CDIN1: variants seen among roughly 807,000 people sequenced by gnomAD.
The protein encoded by CDIN1 is CDAN1 interacting nuclease 1, also known as CDAN1-interacting nuclease 1.
CDIN1 carries 33 observed loss-of-function variants against 45.3 expected under a neutral mutation model. That is an observed-to-expected ratio of 0.73 (90% CI 0.55 to 0.97). The LOEUF is 0.97. Ranked by LOEUF, CDIN1 falls within the 50% of genes least tolerant of loss-of-function variation. The pLI is 0.00. For missense variants in CDIN1, 303 were observed against 339.4 expected (o/e 0.89, Z 0.84); for synonymous variants, 118 against 124.4 (o/e 0.95, Z 0.34).
At chr15:36,602,259 CT>C (rs1209447046) in intron 1 of CDIN1, among the ~76,000 whole-genome samples, 1 of 152,242 alleles carries the variant, frequency 6.6e-6, no homozygotes, top group Non-Finnish European at 1.5e-5. Context: ...AATAACCAAA[CT>C]TTTATTTTCC....
At chr15:36,617,995 C>T (rs2038978238) in intron 1 of CDIN1, 1 of 786,032 alleles carries the variant, frequency 1.3e-6, no homozygotes, top group African/African-American at 1.7e-5. Context: ...AGTATGCCTC[C>T]CCAGTCTTTA....
chr15:36,739,189 T>C (rs2044142560), intron 10 of CDIN1, among the ~76,000 whole-genome samples: 1 of 152,134 alleles, frequency 6.6e-6, no homozygotes, highest in Non-Finnish European at 1.5e-5. Context: ...AGCCAGGGAT[T>C]TGAGACTAGC....
At chr15:36,760,658 A>G (rs936907933) in intron 10 of CDIN1, among the ~76,000 whole-genome samples, 3 of 152,222 alleles carry the variant, frequency 2.0e-5, no homozygotes, top group Admixed American at 2.0e-4. Flanking sequence ...TGAGGCCTCC[A>G]TCAGCATCCA....
At chr15:36,596,598 A>G (rs1420721229) in intron 1 of CDIN1, among the ~76,000 whole-genome samples, 1 of 152,180 alleles carries the variant, frequency 6.6e-6, no homozygotes, top group Non-Finnish European at 1.5e-5. Context: ...GCTCTTATGT[A>G]TTTCTTATGC....
chr15:36,595,867 G>A (rs913261101), intron 1 of CDIN1, among the ~76,000 whole-genome samples: 5 of 152,202 alleles, frequency 3.3e-5, no homozygotes, highest in African/African-American at 1.2e-4. Context: ...AGACCCAGGC[G>A]CCTGCTGAGA....
intron 1 of CDIN1, among the ~76,000 whole-genome samples, chr15:36,603,090 G>A (rs961780443): frequency 1.3e-5 from 2 of 152,150 alleles, no homozygotes; most frequent in Non-Finnish European, 2.9e-5. Flanking sequence ...AAGATAATGT[G>A]AGTAAATTAG....
At chr15:36,618,524 C>G in intron 1 of CDIN1, 1 of 1,229,010 alleles carries the variant, frequency 8.1e-7, no homozygotes, top group South Asian at 1.2e-5. Flanking sequence ...GACTTACTAG[C>G]CTCAAATTTT....
chr15:36,641,842 A>G (rs562469414), intron 1 of CDIN1: 1 of 152,202 alleles, frequency 6.6e-6, no homozygotes, highest in South Asian at 2.1e-4. Flanking sequence ...TTACCTTGGG[A>G]CATTGTAGAT....
chr15:36,647,708 A>T (rs1566864026), intron 3 of CDIN1: 3 of 152,240 alleles, frequency 2.0e-5, no homozygotes, highest in Non-Finnish European at 4.4e-5. Context: ...GATTAGAATA[A>T]AGCCAAATTG....
chr15:36,696,120 A>T (rs1333228677), intron 7 of CDIN1, among the ~76,000 whole-genome samples: 10 of 152,182 alleles, frequency 6.6e-5, no homozygotes, highest in African/African-American at 9.7e-5. Context: ...TCTATAAAAT[A>T]AGGATTGTAA....
At chr15:36,663,765 T>G (rs2041119953) in intron 5 of CDIN1, among the ~76,000 whole-genome samples, 2 of 152,220 alleles carry the variant, frequency 1.3e-5, no homozygotes, top group Non-Finnish European at 2.9e-5. Context: ...CAGAAATAGC[T>G]AAATCAACTC....
intron 1 of CDIN1, among the ~76,000 whole-genome samples, chr15:36,608,609 G>T (rs2038493312): frequency 6.6e-6 from 1 of 151,502 alleles, no homozygotes; most frequent in Admixed American, 6.6e-5. Context: ...CTAGTCTGTT[G>T]GTTCTCTTTT....
At chr15:36,599,013 A>G (rs1175846770) in intron 1 of CDIN1, among the ~76,000 whole-genome samples, 2 of 150,850 alleles carry the variant, frequency 1.3e-5, no homozygotes, top group African/African-American at 4.9e-5. Flanking sequence ...GTGTTCTTTT[A>G]TGCATTCAGT....
intron 4 of CDIN1, 74 bp from the exon 5 acceptor site, chr15:36,657,759 T>C: frequency 8.6e-7 from 1 of 1,160,786 alleles, no homozygotes; most frequent in Non-Finnish European, 1.2e-6. Context: ...TATTCTTCAG[T>C]GTTGACAAAA....
intron 10 of CDIN1, among the ~76,000 whole-genome samples, chr15:36,733,344 C>T (rs2043899669): frequency 6.6e-6 from 1 of 151,922 alleles, no homozygotes; most frequent in Non-Finnish European, 1.5e-5. Flanking sequence ...ATTTACTTGG[C>T]ACTTTAAGCA....
intron 3 of CDIN1, among the ~76,000 whole-genome samples, chr15:36,652,993 T>A (rs2040632233): frequency 6.6e-6 from 1 of 152,160 alleles, no homozygotes; most frequent in South Asian, 2.1e-4. Flanking sequence ...TTTCATTTGT[T>A]AAAGGAAAAG....
At chr15:36,731,538 AAC>A (rs1188371476) in intron 10 of CDIN1, among the ~76,000 whole-genome samples, 1 of 152,154 alleles carries the variant, frequency 6.6e-6, no homozygotes, top group East Asian at 1.9e-4. Context: ...ACTTTTATGT[AAC>A]ACAAATACCA....
At chr15:36,596,229 C>T (rs2037827724) in intron 1 of CDIN1, among the ~76,000 whole-genome samples, 2 of 151,714 alleles carry the variant, frequency 1.3e-5, no homozygotes, top group Non-Finnish European at 2.9e-5. Context: ...AATTTTTAGC[C>T]CCTAATTCCC....
chr15:36,691,884 A>G, intron 6 of CDIN1, 120 bp downstream of exon 6: 1 of 834,344 alleles, frequency 1.2e-6, no homozygotes, highest in Non-Finnish European at 1.9e-6. Context: ...AGGGTGCACC[A>G]TAAATGGCAA....
Sources: allele counts gnomAD v4.1 joint callset (sites outside exome capture counted in the v4.1 genomes callset), GRCh38; gene constraint gnomAD v4.1.1; transcripts MANE v1.5; gene names NCBI Gene and HGNC (gene_info 2026-07-23, HGNC 2026-07-21).